The following TAF11 variants were observed in gnomAD, a reference collection of about 807,000 sequenced individuals.
TAF11 encodes TATA-box binding protein associated factor 11, also known as transcription initiation factor TFIID subunit 11.
In TAF11, 10 loss-of-function variants were observed where a neutral mutation model predicts 23.0. The ratio of observed to expected loss-of-function variants is 0.43; its 90% CI spans 0.27 to 0.74. TAF11 has a LOEUF of 0.74. TAF11 is among the 30% of genes least tolerant of loss of function. The pLI is 0.19. For synonymous variants in TAF11, 85 were observed against 95.8 expected, an observed-to-expected ratio of 0.89 and a Z score of 0.66; for missense variants, 196 against 261.7, an observed-to-expected ratio of 0.75 and a Z score of 1.73.
intron 2 of TAF11, among the ~76,000 whole-genome samples, chr6:34,882,350 A>T (rs997835958): frequency 1.1e-4 from 17 of 149,830 alleles, no homozygotes; most frequent in South Asian, 4.2e-4. Flanking sequence ...AAAAAAAAAA[A>T]TTTTAAATAG....
chr6:34,880,160 A>G lies in TAF11; in HGVS notation c.409-97T>C. 6.6e-7 allele frequency: 1 copy of G among 1,526,300 alleles called. No homozygotes were observed. The highest frequency in any genetic ancestry group is 1.1e-5 in the South Asian group (1 of 87,742). 94.5% of individuals were successfully genotyped at this position (1,526,300 alleles called of 1,614,324 possible). A position where few individuals can be genotyped will look rare whatever the true frequency, so the allele number is the denominator to read the frequency against. On this transcript the variant is annotated intron_variant, in intron 3 of 4. Coordinates refer to ENST00000361288, the MANE Select transcript of TAF11 (RefSeq NM_005643.4). The surrounding 1 kb of genome is among the most constrained non-coding windows in gnomAD (Gnocchi z 4.8). The stretch of plus-strand genomic sequence containing the variant: ...TCACAGAAAAAGGTAAGATAACTGA[A>G]GTGCATTTTTTTTCCCACCTAAATA...
At chr6:34,882,875 A>G in intron 2 of TAF11, 57 bp downstream of exon 2, 1 of 1,511,112 alleles carries the variant, frequency 6.6e-7, no homozygotes, top group Admixed American at 2.4e-5. Context: ...AAAATTTATT[A>G]AATTTGTGTG....
chr6:34,880,855 A>G lies in TAF11; in HGVS notation c.321-479T>C, dbSNP rs2127431982. 6.6e-6 allele frequency among the ~76,000 whole-genome samples: 1 copy of G among 152,374 alleles called. No homozygotes were observed. The highest frequency in any genetic ancestry group is 1.9e-4 in the East Asian group (1 of 5,192). ...TTTTGAAAATGAACAAAGTACATGA[A>G]CAGGAAATTTACCAAAATACCAATG... On this transcript the variant is annotated intron_variant, in intron 2 of 4. Transcript: ENST00000361288. The surrounding 1 kb of genome is among the most constrained non-coding windows in gnomAD (Gnocchi z 4.8).
chr6:34,882,850 A>C, intron 2 of TAF11, 82 bp downstream of exon 2: 1 of 1,470,728 alleles, frequency 6.8e-7, no homozygotes, highest in Non-Finnish European at 9.0e-7. Context: ...ATAAAAGAAA[A>C]TTTAAACACC....
chr6:34,882,319 C>A (rs936236863), intron 2 of TAF11, among the ~76,000 whole-genome samples: 1 of 146,448 alleles, frequency 6.8e-6, no homozygotes, highest in African/African-American at 2.5e-5. Flanking sequence ...GCCTGAGCAA[C>A]GAGAGCGAAA....
Position 34,887,988 on chromosome 6 carries a change from G to A in TAF11, c.-31C>T, listed in dbSNP as rs781224200. ...ATAGGATTGGAGGGGAGAGGAGATC[G>A]CGGAGATGCCTGAGGCAGAAGCTCG... is the stretch of plus-strand genomic sequence containing the variant. On this transcript the variant is annotated 5_prime_UTR_variant, in exon 1 of 5. Coordinates refer to ENST00000361288, the MANE Select transcript of TAF11 (RefSeq NM_005643.4). 1 of 1,612,442 alleles carries A rather than the reference G, an allele frequency of 6.2e-7. No homozygotes were observed. The highest frequency in any genetic ancestry group is 8.5e-7 in the Non-Finnish European group (1 of 1,178,990).
intron 4 of TAF11, chr6:34,879,175 AG>A (rs1269235494): frequency 6.1e-6 from 1 of 163,636 alleles, no homozygotes; most frequent in Admixed American, 6.5e-5. Context: ...AAGGCACTCC[AG>A]CCTGGGTGAC....
intron 4 of TAF11, 46 bp from the exon 5 acceptor site, chr6:34,878,766 A>G: frequency 6.6e-7 from 1 of 1,516,132 alleles, no homozygotes; most frequent in Non-Finnish European, 9.2e-7. Flanking sequence ...ACAATAATTT[A>G]CTAATCACAT....
chr6:34,878,599 G>T lies in TAF11; in HGVS notation c.627C>A (p.Ile209=). ...CTTTCTAGACTTTGGTCTAGAAGAAGATGATTTTTTTGTGCTTCGAGTTAG... is the reference window on the plus strand; with the variant it reads ...CTTTCTAGACTTTGGTCTAGAAGAATATGATTTTTTTGTGCTTCGAGTTAG... ...QIPNSKHKKI[I]FF Residue 209 remains isoleucine (I), a synonymous_variant, in exon 5 of 5, where the codon ATC becomes ATA. Transcript: ENST00000361288. 1 of 1,565,816 alleles carries T rather than the reference G, an allele frequency of 6.4e-7. No individual in the cohort carries two copies. Among genetic ancestry groups the T allele is most frequent in the Non-Finnish European group, 8.8e-7 (1 of 1,136,044 alleles).
intron 1 of TAF11, among the ~76,000 whole-genome samples, chr6:34,884,229 A>G (rs1390854392): frequency 3.9e-5 from 6 of 152,232 alleles, no homozygotes; most frequent in African/African-American, 1.4e-4. Context: ...ATGAAATACT[A>G]TACAGCCATA....
chr6:34,883,177 AT>A, intron 1 of TAF11, 97 bp from the exon 2 acceptor site: 1 of 1,293,080 alleles, frequency 7.7e-7, no homozygotes, highest in Non-Finnish European at 1.1e-6. Context: ...CAACAAATCC[AT>A]TTATTGAGTA....
intron 2 of TAF11, 112 bp downstream of exon 2, chr6:34,882,819 GT>G (rs2127432648): frequency 7.7e-7 from 1 of 1,298,380 alleles, no homozygotes; most frequent in African/African-American, 1.5e-5. Context: ...TGTATTAATC[GT>G]TTTATTTTCT....
At chr6:34,883,598 T>C (rs561446015) in intron 1 of TAF11, among the ~76,000 whole-genome samples, 132 of 152,388 alleles carry the variant, frequency 8.7e-4, no homozygotes, top group Non-Finnish European at 1.6e-3. Context: ...TTTGTTCTTA[T>C]TCTTCAATCC....
chr6:34,884,997 GT>G (rs1263416606), intron 1 of TAF11, among the ~76,000 whole-genome samples: 1 of 54,862 alleles, frequency 1.8e-5, no homozygotes, highest in Non-Finnish European at 2.7e-5. Context: ...TTTAAATAAT[GT>G]TTTAATTTTA....
Position 34,882,979 on chromosome 6 carries a change from C to T in TAF11, c.273G>A (p.Lys91=). 6.2e-7 allele frequency: 1 copy of T among 1,609,452 alleles called. No homozygotes were observed. The highest frequency in any genetic ancestry group is 8.5e-7 in the Non-Finnish European group (1 of 1,178,592). ...CATCTACTTTCTGCTTTTTCTCTTT[C>T]TTTTCTTTGGTATCTATTTTCAGTT... ...AKKLKIDTKE[K]KEKKQKVDED... The change falls in exon 2 of 5, where the codon AAG becomes AAA. Residue 91 remains lysine (K), a synonymous_variant. Coordinates refer to ENST00000361288, the MANE Select transcript of TAF11 (RefSeq NM_005643.4).
At chr6:34,886,396 A>C (rs1766525006) in intron 1 of TAF11, among the ~76,000 whole-genome samples, 3 of 110,810 alleles carry the variant, frequency 2.7e-5, no homozygotes, top group African/African-American at 2.3e-4. Context: ...AAAAAACAAA[A>C]AACAAAAAAC....
rs11537995 is a variant in TAF11, at chr6:34,882,984, C to T, written c.268G>A (p.Glu90Lys). 1 of 1,610,430 alleles carries T rather than the reference C, an allele frequency of 6.2e-7. No individual in the cohort carries two copies. The highest frequency in any genetic ancestry group is 1.1e-5 in the South Asian group (1 of 89,582). The change falls in exon 2 of 5, where the codon GAA becomes AAA. Residue 90 changes from glutamate (E) to lysine (K), a missense_variant. Glu to Lys is a moderately conservative substitution (Grantham distance 56, BLOSUM62 1). Coordinates refer to ENST00000361288, the MANE Select transcript of TAF11 (RefSeq NM_005643.4). ...ACTTTCTGCTTTTTCTCTTTCTTTT[C>T]TTTGGTATCTATTTTCAGTTTTTTG... The part of the protein sequence containing the change: ...AAKKLKIDTK[E>K]KKEKKQKVDE...
At position 34,882,963 on chromosome 6, in the gene TAF11, TC is replaced by T; in HGVS notation, c.288del (p.Val98Ter). ...TTCTGAATCTCATCTTCATCTACTT[TC>T]TGCTTTTTCTCTTTCTTTTCTTTGG... is the stretch of plus-strand genomic sequence containing the variant. ...IDTKEKKEKK[Q>X]KVDEDEIQKM... is the part of the protein sequence containing the mutation. On this transcript the variant is annotated frameshift_variant, in exon 2 of 5. Coordinates refer to ENST00000361288, the MANE Select transcript of TAF11 (RefSeq NM_005643.4). LOFTEE classifies it high-confidence loss of function. 6.2e-7 allele frequency: 1 copy of T among 1,609,244 alleles called. No homozygotes were observed. Among genetic ancestry groups the T allele is most frequent in the Non-Finnish European group, 8.5e-7 (1 of 1,178,676 alleles).
At position 34,886,757 on chromosome 6, in the gene TAF11, C is replaced by G. The variant is rs4646917; in HGVS notation, c.171+1030G>C. Among the ~76,000 whole-genome samples, 381 of 152,200 alleles carry G rather than the reference C, an allele frequency of 2.5e-3. 4 individuals carry two copies. The highest frequency in any genetic ancestry group is 8.4e-3 in the African/African-American group (349 of 41,558). On this transcript the variant is annotated intron_variant, in intron 1 of 4. Coordinates refer to ENST00000361288, the MANE Select transcript of TAF11 (RefSeq NM_005643.4). ...CTGGGATTACAGGCGTGAGCCACTA[C>G]GCCCAGACAAATTTTCTCTTTTTCT... is the stretch of plus-strand genomic sequence containing the variant.
Sources: gnomAD v4.1 joint callset for allele counts (sites outside exome capture counted in the v4.1 genomes callset) on GRCh38, gnomAD v4.1.1 for gene constraint, Gnocchi (gnomAD v3.1) non-coding constraint, MANE v1.5 for transcripts, NCBI Gene and HGNC (gene_info 2026-07-23, HGNC 2026-07-21) for gene names.